Variants in ZDBF2 observed in about 807,000 individuals in gnomAD.
The protein encoded by ZDBF2 is zinc finger DBF-type containing 2, also known as DBF4-type zinc finger-containing protein 2.
ZDBF2 carries 6 observed loss-of-function variants against 9.4 expected under a neutral mutation model. The observed-to-expected ratio is 0.64, with a 90% CI of 0.35 to 1.27. The LOEUF is 1.27. ZDBF2 is among the 50% of genes most tolerant of loss of function. ZDBF2 has a pLI of 0.03. For synonymous variants in ZDBF2, 905 were observed against 946.3 expected, an observed-to-expected ratio of 0.96 and a Z score of 0.80; for missense variants, 2,697 against 2,766.8, an observed-to-expected ratio of 0.97 and a Z score of 0.57.
intron 3 of ZDBF2, among the ~76,000 whole-genome samples, chr2:206,292,271 A>C (rs1259688431): frequency 6.6e-6 from 1 of 152,206 alleles, no homozygotes; most frequent in East Asian, 1.9e-4. Flanking sequence ...AGGCGTTGAC[A>C]GTTCAGGGTT....
intron 3 of ZDBF2, among the ~76,000 whole-genome samples, chr2:206,286,570 A>G (rs533008591): frequency 1.3e-5 from 2 of 151,972 alleles, no homozygotes; most frequent in Admixed American, 6.6e-5. Context: ...CTTAAAAAAA[A>G]AAAAATAAAA....
chr2:206,283,734 G>T (rs917462864), intron 3 of ZDBF2, among the ~76,000 whole-genome samples: 9 of 152,118 alleles, frequency 5.9e-5, no homozygotes, highest in African/African-American at 2.2e-4. Context: ...TGCGATCATG[G>T]CACACTGTAG....
rs373408581 is a variant in ZDBF2 at position 206,308,221 on chromosome 2, G to A, written c.3693G>A (p.Thr1231=). ...ISLWKDEEVD[T]EDRRNEAKGF... Reference sequence around the variant, plus strand: ...TTTGGAAGGATGAAGAAGTTGACACGGAAGATAGGAGAAATGAAGCTAAGG... The same window carrying A: ...TTTGGAAGGATGAAGAAGTTGACACAGAAGATAGGAGAAATGAAGCTAAGG... Residue 1231 remains threonine (T), a synonymous_variant, in exon 5 of 5, where the codon ACG becomes ACA. Coordinates refer to ENST00000374423, the MANE Select transcript of ZDBF2 (RefSeq NM_020923.3). 1.5e-5 allele frequency: 25 copies of A among 1,613,812 alleles called. No individual in the cohort carries two copies. The highest frequency in any genetic ancestry group is 1.1e-4 in the African/African-American group (8 of 75,034).
intron 3 of ZDBF2, among the ~76,000 whole-genome samples, chr2:206,283,444 A>AT (rs1553522050): frequency 2.0e-5 from 3 of 151,734 alleles, no homozygotes; most frequent in Non-Finnish European, 4.4e-5. Context: ...ATGGTATCTC[A>AT]TTTTGGCTTT....
At position 206,281,756 on chromosome 2, in the gene ZDBF2, G is replaced by A. The variant is rs142107415; in HGVS notation, c.-49-45G>A. The stretch of plus-strand genomic sequence containing the variant: ...ATTATCATAGCCATTTTCCTCATAA[G>A]AGTAAGGAATTATGATTTTTACCAT... On this transcript the variant is annotated intron_variant, in intron 2 of 4. Transcript: ENST00000374423. 627 of 1,185,132 alleles carry A rather than the reference G, an allele frequency of 5.3e-4. 1 individual carries two copies. In the African/African-American group the frequency reaches 8.8e-3, roughly 17 times the overall value. The allele number at this position is 1,185,132 out of a possible 1,614,324, so 73.4% of individuals were successfully genotyped here. A position where few individuals can be genotyped will look rare whatever the true frequency, so the allele number is the denominator to read the frequency against.
At position 206,305,401 on chromosome 2, in the gene ZDBF2, C is replaced by T; in HGVS notation, c.873C>T (p.Arg291=). The part of the protein sequence containing the change: ...TLSAGLKFHE[R]MGTKGSLRVK... ...CAGCTGGCTTGAAATTCCATGAACGCATGGGTACTAAGGGCTCCTTAAGAG... is the reference window on the plus strand; with the variant it reads ...CAGCTGGCTTGAAATTCCATGAACGTATGGGTACTAAGGGCTCCTTAAGAG... Residue 291 remains arginine (R), a synonymous_variant, in exon 5 of 5, where the codon CGC becomes CGT. Transcript: ENST00000374423. 1.2e-6 allele frequency: 2 copies of T among 1,613,496 alleles called. No homozygotes were observed. The highest frequency in any genetic ancestry group is 1.7e-6 in the Non-Finnish European group (2 of 1,179,702).
chr2:206,282,056 A>G, intron 3 of ZDBF2, 147 bp downstream of exon 3: 3 of 665,228 alleles, frequency 4.5e-6, no homozygotes, highest in Non-Finnish European at 7.2e-6. Flanking sequence ...TTCTAGGGAT[A>G]TGACCATGAA....
rs200047865 is a variant in ZDBF2, at chr2:206,305,160, C to G, written c.632C>G (p.Ala211Gly). 6.2e-7 allele frequency: 1 copy of G among 1,613,848 alleles called. No homozygotes were observed. Among genetic ancestry groups the G allele is most frequent in the Non-Finnish European group, 8.5e-7 (1 of 1,179,818 alleles). Reference protein sequence around the residue: ...TANTTSLPPAAHLDSVSKCDP... With the variant: ...TANTTSLPPAGHLDSVSKCDP... ...AATACAACTAGTTTACCACCAGCAGCTCATTTGGATTCAGTTAGCAAATGT... is the reference window on the plus strand; with the variant it reads ...AATACAACTAGTTTACCACCAGCAGGTCATTTGGATTCAGTTAGCAAATGT... Residue 211 changes from alanine to glycine, a missense_variant, in exon 5 of 5, where the codon GCT becomes GGT. By Grantham distance (60) the Ala-to-Gly change is moderately conservative. Transcript: ENST00000374423.
chr2:206,305,449 A>T lies in ZDBF2; in HGVS notation c.921A>T (p.Ala307=). The T allele has an allele frequency of 6.2e-7, 1 of 1,613,302 alleles. No homozygotes were observed. The highest frequency in any genetic ancestry group is 8.5e-7 in the Non-Finnish European group (1 of 1,179,720). ...SLRVKSPSKL[A]VNPNKTDMPS... The stretch of plus-strand genomic sequence containing the variant: ...GAGTTAAATCTCCTTCCAAATTAGC[A>T]GTAAACCCGAATAAAACTGACATGC... Residue 307 remains alanine (A), a synonymous_variant, in exon 5 of 5, where the codon GCA becomes GCT. Transcript: ENST00000374423.
Position 206,310,989 on chromosome 2 carries a change from A to T in ZDBF2, c.6461A>T (p.Asp2154Val). 6.2e-7 allele frequency: 1 copy of T among 1,613,412 alleles called. No homozygotes were observed. The highest frequency in any genetic ancestry group is 1.1e-5 in the South Asian group (1 of 90,848). ...RNFQLTFLNH[D>V]VVKISPKSVR... ...TTCCAGCTAACATTTTTAAATCATG[A>T]TGTTGTCAAAATCTCTCCAAAATCA... Residue 2154 changes from aspartate (D) to valine (V), a missense_variant, in exon 5 of 5, where the codon GAT becomes GTT. Transcript: ENST00000374423.
chr2:206,280,493 T>C (rs1691254058), intron 2 of ZDBF2, among the ~76,000 whole-genome samples: 1 of 152,216 alleles, frequency 6.6e-6, no homozygotes. Context: ...AGCTTGAAAT[T>C]TGCCTTATGT....
Position 206,288,456 on chromosome 2 carries a change from T to C in ZDBF2, c.60+6547T>C, listed in dbSNP as rs753855665. Among the ~76,000 whole-genome samples, 76 of 152,314 alleles carry C rather than the reference T, an allele frequency of 5.0e-4. 1 individual carries two copies. The highest frequency in any genetic ancestry group is 3.4e-3 in the Middle Eastern group (1 of 294). On this transcript the variant is annotated intron_variant, in intron 3 of 4. Coordinates refer to ENST00000374423, the MANE Select transcript of ZDBF2 (RefSeq NM_020923.3). ...CTTCTGGGATCCACCTGTTCTTGTT[T>C]TCATTACGATGGGGAGACTTAACTG...
intron 4 of ZDBF2, among the ~76,000 whole-genome samples, chr2:206,302,245 A>G (rs527467068): frequency 7.2e-5 from 11 of 152,232 alleles, no homozygotes; most frequent in African/African-American, 2.6e-4. Context: ...CTTGGCCTCA[A>G]GTGATCCTCT....
At chr2:206,303,243 T>A (rs1394208375) in intron 4 of ZDBF2, among the ~76,000 whole-genome samples, 2 of 151,514 alleles carry the variant, frequency 1.3e-5, no homozygotes, top group South Asian at 2.1e-4. Flanking sequence ...TTTTTTTTTT[T>A]AAACAGGTCT....
chr2:206,309,603 A>G lies in ZDBF2; in HGVS notation c.5075A>G (p.Asp1692Gly), dbSNP rs781222615. 5.6e-6 allele frequency: 9 copies of G among 1,613,840 alleles called. No individual in the cohort carries two copies. The Admixed American group carries it at 1.2e-4, about 21-fold the overall frequency. Residue 1692 changes from aspartate (D) to glycine (G), a missense_variant, in exon 5 of 5, where the codon GAT becomes GGT. This residue lies in a region of ZDBF2 where 1,783 missense variants were observed against 1,776.5 expected (regional missense o/e 1.00). Transcript: ENST00000374423. ...KAHKEASLRK[D>G]PRNAGLKGKS... ...CACAAAGAAGCCAGTCTTCGGAAGGATCCAAGAAATGCTGGCCTAAAAGGT... is the reference window on the plus strand; with the variant it reads ...CACAAAGAAGCCAGTCTTCGGAAGGGTCCAAGAAATGCTGGCCTAAAAGGT...
At position 206,310,542 on chromosome 2, in the gene ZDBF2, C is replaced by G; in HGVS notation, c.6014C>G (p.Pro2005Arg). 6.2e-7 allele frequency: 1 copy of G among 1,613,630 alleles called. No homozygotes were observed. The change falls in exon 5 of 5, where the codon CCC (proline) becomes CGC (arginine). Residue 2005 changes from proline (P) to arginine (R), a missense_variant. Physicochemically the swap from Pro to Arg is moderately radical, Grantham distance 103 (BLOSUM62 -2). This residue lies in a region of ZDBF2 where 1,783 missense variants were observed against 1,776.5 expected (regional missense o/e 1.00). Coordinates refer to ENST00000374423, the MANE Select transcript of ZDBF2 (RefSeq NM_020923.3). ...ACTAAAGTTTTGAAGCCTATGCAAC[C>G]CAAAGCCTTAGTCTGTGTTCTTTCT... The part of the protein sequence containing the change: ...SCTKVLKPMQ[P>R]KALVCVLSSL...
rs777447551 is a variant in ZDBF2 at position 206,307,793 on chromosome 2, G to T, written c.3265G>T (p.Glu1089Ter). 6.2e-7 allele frequency: 1 copy of T among 1,610,558 alleles called. No homozygotes were observed. The highest frequency in any genetic ancestry group is 8.5e-7 in the Non-Finnish European group (1 of 1,179,048). Reference sequence around the variant, plus strand: ...AACTTTTGATTCTGAACAACTTCAGGAAGCGGTTAAAAAAATAGACCAATG... The same window carrying T: ...AACTTTTGATTCTGAACAACTTCAGTAAGCGGTTAAAAAAATAGACCAATG... ...KITFDSEQLQ[E>*]AVKKIDQWKE... The change falls in exon 5 of 5, where the codon GAA becomes TAA. Residue 1089 changes from glutamate (E) to a stop codon, truncating the protein, a stop_gained. Coordinates refer to ENST00000374423, the MANE Select transcript of ZDBF2 (RefSeq NM_020923.3). LOFTEE classifies it low-confidence loss of function (END_TRUNC).
At chr2:206,287,924 T>C (rs1441319711) in intron 3 of ZDBF2, among the ~76,000 whole-genome samples, 2 of 152,146 alleles carry the variant, frequency 1.3e-5, no homozygotes, top group African/African-American at 4.8e-5. Flanking sequence ...TTTTATGATT[T>C]TTATCTGTGT....
intron 2 of ZDBF2, among the ~76,000 whole-genome samples, chr2:206,281,305 G>C (rs1010001343): frequency 6.6e-6 from 1 of 152,116 alleles, no homozygotes; most frequent in Non-Finnish European, 1.5e-5. Flanking sequence ...AACTGTGTTG[G>C]ATAAATTATT....
Sources: gnomAD v4.1 joint callset for allele counts (sites outside exome capture counted in the v4.1 genomes callset) on GRCh38, gnomAD v4.1.1 for gene constraint, gnomAD v4.1.1 regional missense constraint, MANE v1.5 for transcripts, NCBI Gene and HGNC (gene_info 2026-07-23, HGNC 2026-07-21) for gene names.